Variants in STAG2 observed in about 807,000 individuals in gnomAD.
STAG2 encodes the protein STAG2 cohesin complex component, also known as cohesin subunit SA-2.
A neutral mutation model predicts 108.1 loss-of-function variants in STAG2; 14 were observed. That is an observed-to-expected ratio of 0.13 (90% confidence interval 0.09 to 0.20). The LOEUF is 0.20. Ranked by LOEUF, STAG2 falls within the 10% of genes least tolerant of loss-of-function variation. STAG2 has a pLI of 1.00. For synonymous variants in STAG2, 307 were observed against 302.7 expected (o/e 1.01, Z -0.15); for missense variants, 440 against 940.9 (o/e 0.47, Z 6.96).
intron 13 of STAG2, among the ~76,000 whole-genome samples, chrX:124,053,283 A>G (rs1461653377): frequency 2.7e-5 from 3 of 112,435 alleles, no homozygotes; most frequent in Non-Finnish European, 5.6e-5. Context: ...AAAAATACCT[A>G]GAAATAAGAA....
intron 1 of STAG2, among the ~76,000 whole-genome samples, chrX:123,974,545 T>C (rs1224701525): frequency 4.9e-5 from 5 of 102,464 alleles, no homozygotes; most frequent in Non-Finnish European, 9.9e-5. Context: ...ATCTTATATA[T>C]GCAGTTACTG....
chrX:123,970,520 A>G (rs191914205), intron 1 of STAG2, among the ~76,000 whole-genome samples: 2 of 111,747 alleles, frequency 1.8e-5, no homozygotes, highest in African/African-American at 6.5e-5. Context: ...TTTCACTGTC[A>G]CTTTCCTGTT....
chrX:124,039,269 C>A (rs2057623690), intron 6 of STAG2, among the ~76,000 whole-genome samples: 1 of 108,599 alleles, frequency 9.2e-6, no homozygotes, highest in South Asian at 4.1e-4. Flanking sequence ...GATCCTCCCA[C>A]CTTAACCTCC....
chrX:124,068,887 A>G (rs1444384406), intron 24 of STAG2, among the ~76,000 whole-genome samples: 4 of 111,996 alleles, frequency 3.6e-5, no homozygotes, highest in African/African-American at 6.5e-5. Context: ...TTGTCATTTT[A>G]TGTTGTTGTT....
intron 1 of STAG2, among the ~76,000 whole-genome samples, chrX:123,999,480 G>A (rs2055920355): frequency 9.0e-6 from 1 of 111,041 alleles, no homozygotes; most frequent in Non-Finnish European, 1.9e-5. Context: ...ATCTCCCTCT[G>A]TCACCCAGGC....
chrX:124,058,237 A>T (rs778226752), intron 15 of STAG2, among the ~76,000 whole-genome samples: 4 of 98,693 alleles, frequency 4.1e-5, no homozygotes. Flanking sequence ...GGCTCACTGC[A>T]GCCTCTGCCT....
intron 10 of STAG2, among the ~76,000 whole-genome samples, chrX:124,049,497 A>G (rs1291805638): frequency 8.9e-6 from 1 of 112,311 alleles, no homozygotes; most frequent in African/African-American, 3.2e-5. Flanking sequence ...AAGAAATAGT[A>G]ATCTTATAAA....
At chrX:124,093,225 T>A (rs72610621) in intron 32 of STAG2, among the ~76,000 whole-genome samples, 11,759 of 111,276 alleles carry the variant, frequency 0.11, 647 homozygotes, top group East Asian at 0.39. Context: ...GTTTTTCATT[T>A]TAAATTTCTA....
chrX:123,987,025 C>G (rs1282290223), intron 1 of STAG2, among the ~76,000 whole-genome samples: 2 of 109,352 alleles, frequency 1.8e-5, no homozygotes, highest in Non-Finnish European at 1.9e-5. Flanking sequence ...CGGAGTCTCG[C>G]TCTGTCACCC....
intron 1 of STAG2, among the ~76,000 whole-genome samples, chrX:123,983,940 CT>C (rs2055011370): frequency 1.0e-5 from 1 of 100,184 alleles, no homozygotes; most frequent in Admixed American, 1.1e-4. Flanking sequence ...TTCCTTTAAC[CT>C]GTGTCAGAAA....
intron 23 of STAG2, among the ~76,000 whole-genome samples, chrX:124,067,379 G>A (rs1021305592): frequency 1.9e-5 from 2 of 103,645 alleles, no homozygotes; most frequent in South Asian, 9.0e-4. Flanking sequence ...AGCAATCCTC[G>A]TGCCTCAGCC....
chrX:124,066,288 AT>A (rs1569516520), intron 22 of STAG2, 26 bp downstream of exon 22: 2 of 1,188,457 alleles, frequency 1.7e-6, no homozygotes, highest in Admixed American at 4.5e-5. Flanking sequence ...CTAGTTACAC[AT>A]TTATCTTTGA....
chrX:124,018,674 G>T (rs1037945061), intron 1 of STAG2, among the ~76,000 whole-genome samples: 3 of 110,415 alleles, frequency 2.7e-5, no homozygotes, highest in Admixed American at 9.7e-5. Flanking sequence ...CTGATTTTTT[G>T]ATTTTTTGTT....
At chrX:124,012,881 T>C (rs1300720529) in intron 1 of STAG2, among the ~76,000 whole-genome samples, 5 of 111,996 alleles carry the variant, frequency 4.5e-5, no homozygotes, top group African/African-American at 1.6e-4. Context: ...TTCATTGAGA[T>C]ACTTTTTACT....
chrX:124,010,963 T>C (rs907024038), intron 1 of STAG2, among the ~76,000 whole-genome samples: 8 of 111,596 alleles, frequency 7.2e-5, no homozygotes, highest in African/African-American at 2.6e-4. Context: ...GGGATTGTGT[T>C]GAATCTGTAG....
intron 3 of STAG2, among the ~76,000 whole-genome samples, chrX:124,025,382 A>G (rs1454086325): frequency 9.0e-6 from 1 of 111,683 alleles, no homozygotes; most frequent in Admixed American, 9.6e-5. Context: ...ACCTAGATTT[A>G]TAAATACTTT....
Position 124,061,533 on chromosome X carries a change from G to C in STAG2, c.1534+192G>C, listed in dbSNP as rs190871060. Reference sequence around the variant, plus strand: ...TGCTGTCAACATTCTTTATTTTTTTGTATCTGGGTTATTTTTTTTACCCAA... The same window carrying C: ...TGCTGTCAACATTCTTTATTTTTTTCTATCTGGGTTATTTTTTTTACCCAA... On this transcript the variant is annotated intron_variant, in intron 16 of 34. Coordinates refer to ENST00000371145, the MANE Select transcript of STAG2 (RefSeq NM_001042750.2). Among the ~76,000 whole-genome samples the C allele has an allele frequency of 6.3e-5, 7 of 110,670 alleles. No individual in the cohort carries two copies. The East Asian group carries it at 1.7e-3, about 27-fold the overall frequency.
chrX:124,002,395 G>A (rs1054983799), intron 1 of STAG2, among the ~76,000 whole-genome samples: 3 of 111,763 alleles, frequency 2.7e-5, no homozygotes, highest in East Asian at 2.8e-4. Flanking sequence ...AGGCCAAGGC[G>A]GGAGCATTGC....
chrX:123,981,969 T>A (rs1464304886), intron 1 of STAG2, among the ~76,000 whole-genome samples: 1 of 111,029 alleles, frequency 9.0e-6, no homozygotes, highest in Non-Finnish European at 1.9e-5. Flanking sequence ...CCCCTTCCAA[T>A]ATAATCCCCT....
Sources: allele counts gnomAD v4.1 joint callset (sites outside exome capture counted in the v4.1 genomes callset), GRCh38; gene constraint gnomAD v4.1.1; transcripts MANE v1.5; gene names NCBI Gene and HGNC (gene_info 2026-07-23, HGNC 2026-07-21).